The following LEPR variants were observed in gnomAD, a reference collection of about 807,000 sequenced individuals.
The protein encoded by LEPR is leptin receptor, also known as OB receptor.
In LEPR, 56 loss-of-function variants were observed where a neutral mutation model predicts 114.7. That is an observed-to-expected ratio of 0.49 (90% CI 0.39 to 0.61). The LOEUF (loss-of-function observed/expected upper bound fraction) is 0.61, where lower values mean the gene tolerates loss of function less well. Ranked by LOEUF, LEPR falls within the 20% of genes least tolerant of loss-of-function variation. The probability of loss-of-function intolerance (pLI) is 0.00; values close to 1 mark genes in which losing one functional copy is unlikely to be tolerated. For missense variants in LEPR, 1,202 were observed against 1,352.9 expected, an observed-to-expected ratio of 0.89 and a Z score of 1.75; for synonymous variants, 443 against 461.4, an observed-to-expected ratio of 0.96 and a Z score of 0.51.
chr1:65,549,043 T>G lies in LEPR; in HGVS notation c.-20-16503T>G, dbSNP rs559086254. 7.7e-4 allele frequency among the ~76,000 whole-genome samples: 116 copies of G among 151,464 alleles called. 1 individual carries two copies. The South Asian group carries it at 9.6e-3, about 12-fold the overall frequency. On this transcript the variant is annotated intron_variant, in intron 2 of 19. Coordinates refer to ENST00000349533, the MANE Select transcript of LEPR (RefSeq NM_002303.6). The stretch of plus-strand genomic sequence containing the variant: ...TCTCAGCATTTGCTTGTCTGTAAAG[T>G]ATTTTATTTCTCCTTCACTTATGAA...
At chr1:65,537,643 C>A (rs1367079914) in intron 2 of LEPR, among the ~76,000 whole-genome samples, 2 of 152,130 alleles carry the variant, frequency 1.3e-5, no homozygotes, top group Admixed American at 6.6e-5. Flanking sequence ...TTCTCTTGAA[C>A]CCCTGCTTCA....
At chr1:65,526,011 GC>G in intron 2 of LEPR, 1 of 788,612 alleles carries the variant, frequency 1.3e-6, no homozygotes, top group Non-Finnish European at 1.5e-6. Context: ...TGGGGTGGGT[GC>G]GACGCCGGGC....
At chr1:65,621,191 G>A (rs1356137435) in intron 17 of LEPR, among the ~76,000 whole-genome samples, 162 bp from the exon 18 acceptor site, 1 of 152,164 alleles carries the variant, frequency 6.6e-6, no homozygotes, top group African/African-American at 2.4e-5. Flanking sequence ...TTTTATTAAT[G>A]TGATCACAAC....
At chr1:65,474,389 A>C (rs534437902) in intron 2 of LEPR, among the ~76,000 whole-genome samples, 3 of 152,304 alleles carry the variant, frequency 2.0e-5, no homozygotes, top group Admixed American at 1.3e-4. Context: ...CCTTCCTTTC[A>C]ATGATATGGT....
At chr1:65,476,004 G>A (rs930075880) in intron 2 of LEPR, among the ~76,000 whole-genome samples, 2 of 151,526 alleles carry the variant, frequency 1.3e-5, no homozygotes, top group Admixed American at 6.6e-5. Flanking sequence ...GTGACAGAAC[G>A]AGACCCTGTG....
intron 2 of LEPR, among the ~76,000 whole-genome samples, chr1:65,495,593 G>T (rs897622921): frequency 5.9e-5 from 9 of 152,114 alleles, no homozygotes; most frequent in African/African-American, 1.2e-4. Context: ...AAATATATCT[G>T]CACTCCCATG....
chr1:65,619,815 A>G lies in LEPR; in HGVS notation c.2396-113A>G, dbSNP rs930264632. The G allele has an allele frequency of 3.4e-6, 3 of 881,634 alleles. No individual in the cohort carries two copies. The African/African-American group carries it at 5.1e-5, about 15-fold the overall frequency. The allele number at this position is 881,634 out of a possible 1,614,324, so 54.6% of individuals were successfully genotyped here. A position where few individuals can be genotyped will look rare whatever the true frequency, so the allele number is the denominator to read the frequency against. On this transcript the variant is annotated intron_variant, in intron 16 of 19. Coordinates refer to ENST00000349533, the MANE Select transcript of LEPR (RefSeq NM_002303.6). ...TAATTTAATCCACAAATAATAAGTA[A>G]TTTCTATGTTTGGAAATATATGATA...
intron 2 of LEPR, among the ~76,000 whole-genome samples, chr1:65,536,665 G>A (rs993135632): frequency 6.6e-6 from 1 of 151,834 alleles, no homozygotes; most frequent in East Asian, 1.9e-4. Context: ...TTTCGGTTAA[G>A]GGATTCTTAT....
At chr1:65,463,233 C>G (rs1425838605) in intron 2 of LEPR, among the ~76,000 whole-genome samples, 1 of 152,116 alleles carries the variant, frequency 6.6e-6, no homozygotes, top group Non-Finnish European at 1.5e-5. Flanking sequence ...GTTTTCCCAG[C>G]ACCATTTATT....
chr1:65,450,491 T>C (rs1646769509), intron 2 of LEPR, among the ~76,000 whole-genome samples: 1 of 143,866 alleles, frequency 7.0e-6, no homozygotes, highest in Admixed American at 7.0e-5. Flanking sequence ...GTGTTCTCAT[T>C]GTTCAATTCC....
chr1:65,576,381 C>T (rs1272817134), intron 5 of LEPR: 1 of 152,644 alleles, frequency 6.6e-6, no homozygotes, highest in Admixed American at 6.6e-5. Context: ...CATTATAAAT[C>T]CAGATCTGAT....
intron 5 of LEPR, among the ~76,000 whole-genome samples, chr1:65,587,038 A>G (rs980797454): frequency 6.6e-6 from 1 of 152,030 alleles, no homozygotes; most frequent in African/African-American, 2.4e-5. Flanking sequence ...TATTCAGTGT[A>G]TTTAGAAAAG....
intron 5 of LEPR, among the ~76,000 whole-genome samples, chr1:65,591,638 C>A (rs1655704081): frequency 6.6e-6 from 1 of 151,956 alleles, no homozygotes; most frequent in Non-Finnish European, 1.5e-5. Flanking sequence ...TTAATATAAC[C>A]ATTACAACTT....
chr1:65,573,681 C>T (rs1026094513), intron 5 of LEPR, among the ~76,000 whole-genome samples: 2 of 151,932 alleles, frequency 1.3e-5, no homozygotes, highest in Admixed American at 6.6e-5. Context: ...GAGATAATAC[C>T]GTTGAGGAGC....
chr1:65,597,849 G>T (rs1384941939), intron 7 of LEPR, among the ~76,000 whole-genome samples: 2 of 152,066 alleles, frequency 1.3e-5, no homozygotes, highest in Non-Finnish European at 2.9e-5. Context: ...CAGAGTTAAG[G>T]CTTCTGTGGG....
intron 10 of LEPR, among the ~76,000 whole-genome samples, chr1:65,604,822 A>C (rs986423801): frequency 4.6e-5 from 7 of 152,194 alleles, no homozygotes; most frequent in Middle Eastern, 3.2e-3. Flanking sequence ...CCTCATGAGA[A>C]TCTAATGCCT....
At chr1:65,484,769 G>C (rs531003678) in intron 2 of LEPR, among the ~76,000 whole-genome samples, 52 of 152,138 alleles carry the variant, frequency 3.4e-4, no homozygotes, top group Non-Finnish European at 7.2e-4. Context: ...ATCAAGATTT[G>C]TTTAGGTCAA....
In LEPR at chr1:65,621,519, AT is replaced by A. The variant is rs1657887056; in HGVS notation, c.2597+64del. ...AGTCCTTACGCGTATTCAAACCCTG[AT>A]TTAAAACCTTCTAAATTAGGAATAT... On this transcript the variant is annotated intron_variant, in intron 18 of 19. Transcript: ENST00000349533. 3.6e-5 allele frequency: 49 copies of A among 1,366,278 alleles called. No individual in the cohort carries two copies. In the South Asian group the frequency reaches 5.5e-4, roughly 15 times the overall value. The allele number at this position is 1,366,278 out of a possible 1,614,324, so 84.6% of individuals were successfully genotyped here.
intron 2 of LEPR, among the ~76,000 whole-genome samples, chr1:65,461,209 A>G (rs1470754202): frequency 1.3e-5 from 2 of 152,112 alleles, no homozygotes; most frequent in African/African-American, 4.8e-5. Context: ...TCCTGGCCTC[A>G]AGATATCCGC....
Sources: allele counts gnomAD v4.1 joint callset (sites outside exome capture counted in the v4.1 genomes callset), GRCh38; gene constraint gnomAD v4.1.1; transcripts MANE v1.5; gene names NCBI Gene and HGNC (gene_info 2026-07-23, HGNC 2026-07-21).